Variants in MS4A6A observed in about 807,000 individuals in gnomAD.
MS4A6A encodes membrane spanning 4-domains A6A.
Under a neutral mutation model 20.6 loss-of-function variants are expected in MS4A6A, and 19 were observed. The observed-to-expected ratio is 0.92, with a 90% CI of 0.64 to 1.36. The LOEUF is 1.36. Ranked by LOEUF, MS4A6A falls within the 40% of genes most tolerant of loss-of-function variation. The probability of loss-of-function intolerance (pLI) is 0.00; values close to 1 mark genes in which losing one functional copy is unlikely to be tolerated. For missense variants in MS4A6A, 272 were observed against 261.1 expected, an observed-to-expected ratio of 1.04 and a Z score of -0.29; for synonymous variants, 108 against 105.0, an observed-to-expected ratio of 1.03 and a Z score of -0.17.
At chr11:60,181,539 C>G in intron 2 of MS4A6A, 42 bp downstream of exon 2, 1 of 1,610,184 alleles carries the variant, frequency 6.2e-7, no homozygotes. Context: ...TCTCTTGGCA[C>G]TTCCCCCAAC....
intron 2 of MS4A6A, chr11:60,181,063 C>T (rs914889484): frequency 2.6e-5 from 12 of 453,732 alleles, no homozygotes; most frequent in African/African-American, 2.4e-4. Flanking sequence ...TTTCTCTCCT[C>T]CCTTCATGCA....
rs138430457 is a variant in MS4A6A, at chr11:60,174,859, ATAAT to A, written c.549+539_549+542del. 0.012 allele frequency among the ~76,000 whole-genome samples: 1,792 copies of A among 151,504 alleles called. 73 individuals carry two copies. The East Asian group carries it at 0.15, about 12-fold the overall frequency. ...CTTTCAGCTATAACAAAAAGCAACA[ATAAT>A]GTTGCATTCTCACCTGATCAGTATT... On this transcript the variant is annotated intron_variant, in intron 5 of 5. Coordinates refer to ENST00000528851, the MANE Select transcript of MS4A6A (RefSeq NM_022349.4).
At position 60,175,474 on chromosome 11, in the gene MS4A6A, T is replaced by A; in HGVS notation, c.477A>T (p.Arg159Ser). ...CATGATAAAAGTAAGAAACATAACTTCTTGTTGGTATATTATTTTTGTCCA... is the reference window on the plus strand; with the variant it reads ...CATGATAAAAGTAAGAAACATAACTACTTGTTGGTATATTATTTTTGTCCA... The part of the protein sequence containing the change: ...CELDKNNIPT[R>S]SYVSYFYHDS... Residue 159 changes from arginine to serine, a missense_variant, in exon 5 of 6, where the codon AGA becomes AGT. Arg to Ser is a moderately radical substitution (Grantham distance 110, BLOSUM62 -1). Coordinates refer to ENST00000528851, the MANE Select transcript of MS4A6A (RefSeq NM_022349.4). 1 of 1,614,154 alleles carries A rather than the reference T, an allele frequency of 6.2e-7. No homozygotes were observed. Among genetic ancestry groups the A allele is most frequent in the Non-Finnish European group, 8.5e-7 (1 of 1,180,014 alleles).
rs758752976 is a variant in MS4A6A at position 60,181,617 on chromosome 11, C to T, written c.111G>A (p.Leu37=). ...TGATTTCTGCGTGTAGATGTTTCTT[C>T]AGGCTATCCTGCCCCTGGTTGGTGG... ...PEPTNQGQDS[L]KKHLHAEIKV... Residue 37 remains leucine, a synonymous_variant, in exon 2 of 6, where the codon CTG becomes CTA. Coordinates refer to ENST00000528851, the MANE Select transcript of MS4A6A (RefSeq NM_022349.4). 21 of 1,613,832 alleles carry T rather than the reference C, an allele frequency of 1.3e-5. No homozygotes were observed. Among genetic ancestry groups the T allele is most frequent in the Non-Finnish European group, 1.7e-5 (20 of 1,179,954 alleles).
intron 5 of MS4A6A, among the ~76,000 whole-genome samples, chr11:60,173,987 G>C (rs1856711186): frequency 6.6e-6 from 1 of 152,176 alleles, no homozygotes; most frequent in Non-Finnish European, 1.5e-5. Context: ...GTTCCAGCAA[G>C]CAAACTTGAC....
upstream of MS4A6A, chr11:60,183,142 T>C (rs1241093634): frequency 3.9e-6 from 6 of 1,535,698 alleles, no homozygotes; most frequent in East Asian, 2.4e-5. Context: ...TCACAGATTG[T>C]AGATTTGTGA....
chr11:60,178,733 G>A (rs1289482961), intron 3 of MS4A6A: 4 of 402,316 alleles, frequency 9.9e-6, no homozygotes, highest in Non-Finnish European at 1.9e-5. Flanking sequence ...GGTTAATTGT[G>A]TCAGTGACAT....
upstream of MS4A6A, chr11:60,183,101 C>G (rs978546612): frequency 9.8e-6 from 15 of 1,524,556 alleles, no homozygotes; most frequent in Non-Finnish European, 1.3e-5. Context: ...CTTCCTTATT[C>G]CAGTGTTTAC....
At chr11:60,178,525 T>C (rs1039155629) in intron 3 of MS4A6A, among the ~76,000 whole-genome samples, 2 of 151,276 alleles carry the variant, frequency 1.3e-5, no homozygotes, top group Non-Finnish European at 2.9e-5. Context: ...CAGAAATATA[T>C]CCTAATAAAC....
rs1201668780 is a variant in MS4A6A at position 60,172,882 on chromosome 11, T to C, written c.*119A>G. The C allele has an allele frequency of 2.0e-6, 3 of 1,528,646 alleles. No individual in the cohort carries two copies. The East Asian group carries it at 7.0e-5, about 36-fold the overall frequency. 94.7% of individuals were successfully genotyped at this position (1,528,646 alleles called of 1,614,324 possible). A position where few individuals can be genotyped will look rare whatever the true frequency, so the allele number is the denominator to read the frequency against. ...TCAATTGCCATCTGCTTTTCTTCTC[T>C]GTCTTCCATCACAATGCAAATGCCC... On this transcript the variant is annotated 3_prime_UTR_variant, in exon 6 of 6. Coordinates refer to ENST00000528851, the MANE Select transcript of MS4A6A (RefSeq NM_022349.4).
chr11:60,178,993 T>A (rs587634), intron 3 of MS4A6A, among the ~76,000 whole-genome samples: 137,587 of 152,238 alleles, frequency 0.9, 62,952 homozygotes, highest in Non-Finnish European at 0.97. Flanking sequence ...TGTAGTGTAA[T>A]GTAGTAGCTT....
chr11:60,181,449 G>T, intron 2 of MS4A6A, 132 bp downstream of exon 2: 1 of 1,036,614 alleles, frequency 9.6e-7, no homozygotes, highest in East Asian at 2.4e-5. Context: ...TCTCCAAGTG[G>T]CTTCTACCCT....
intron 5 of MS4A6A, among the ~76,000 whole-genome samples, chr11:60,174,326 C>CTTTT (rs5792171): frequency 7.0e-6 from 1 of 142,038 alleles, no homozygotes. Context: ...TTCTTTATTC[C>CTTTT]TTTTTTTTTT....
downstream of MS4A6A, chr11:60,172,130 T>C (rs746511068): frequency 9.4e-6 from 15 of 1,597,842 alleles, no homozygotes; most frequent in Middle Eastern, 3.3e-4. Context: ...AAGAATCAAC[T>C]TTCTGATTAA....
rs564752698 is a variant in MS4A6A, at chr11:60,182,958, A to C, written c.-15+20T>G. The C allele has an allele frequency of 6.0e-6, 8 of 1,343,024 alleles. No homozygotes were observed. The East Asian group carries it at 2.0e-4, about 34-fold the overall frequency. 83.2% of individuals were successfully genotyped at this position (1,343,024 alleles called of 1,614,324 possible). A position where few individuals can be genotyped will look rare whatever the true frequency, so the allele number is the denominator to read the frequency against. On this transcript the variant is annotated intron_variant, in intron 1 of 5. Coordinates refer to ENST00000528851, the MANE Select transcript of MS4A6A (RefSeq NM_022349.4). ...GGCAAGGGAATAGTGAGATGAGAAA[A>C]GTCTTCCAGCATTACCTACCTGTGC...
At chr11:60,183,521 G>T (rs567299419), upstream of MS4A6A, among the ~76,000 whole-genome samples, 1 of 152,016 alleles carries the variant, frequency 6.6e-6, no homozygotes, top group East Asian at 1.9e-4. Flanking sequence ...AATAATAATA[G>T]CAATAATGAC....
chr11:60,174,368 G>A (rs11230174), intron 5 of MS4A6A, among the ~76,000 whole-genome samples: 2 of 148,238 alleles, frequency 1.3e-5, no homozygotes, highest in Non-Finnish European at 3.0e-5. Flanking sequence ...CTGTCACCCA[G>A]GCTGGAGTGC....
chr11:60,177,014 T>C (rs1328220699), intron 4 of MS4A6A: 1 of 152,236 alleles, frequency 6.6e-6, no homozygotes, highest in Non-Finnish European at 1.5e-5. Context: ...AGACTATCTA[T>C]ATTTAAAGTA....
At chr11:60,172,193 G>T, downstream of MS4A6A, 1 of 1,613,314 alleles carries the variant, frequency 6.2e-7, no homozygotes, top group Non-Finnish European at 8.5e-7. Flanking sequence ...CCACAGTCAT[G>T]AGTCATTTTT....
Sources: gnomAD v4.1 joint callset for allele counts (sites outside exome capture counted in the v4.1 genomes callset) on GRCh38, gnomAD v4.1.1 for gene constraint, MANE v1.5 for transcripts, NCBI Gene and HGNC (gene_info 2026-07-23, HGNC 2026-07-21) for gene names.